Variants in ZHX2 observed in about 807,000 individuals in gnomAD.
The protein encoded by ZHX2 is zinc fingers and homeoboxes 2, also known as zinc fingers and homeoboxes protein 2.
In ZHX2, 6 loss-of-function variants were observed where a neutral mutation model predicts 21.9. The ratio of observed to expected loss-of-function variants is 0.27; its 90% CI spans 0.15 to 0.54. The LOEUF is 0.54. Ranked by LOEUF, ZHX2 falls within the 20% of genes least tolerant of loss-of-function variation. The pLI, the probability that ZHX2 is intolerant of heterozygous loss-of-function variation, is 0.95. For missense variants in ZHX2, 908 were observed against 1,090.7 expected (o/e 0.83, Z 2.36); for synonymous variants, 434 against 437.1 (o/e 0.99, Z 0.09).
intron 1 of ZHX2, among the ~76,000 whole-genome samples, chr8:122,807,250 A>C (rs1817842743): frequency 6.6e-6 from 1 of 152,186 alleles, no homozygotes; most frequent in Admixed American, 6.5e-5. Context: ...TTGGGCCCTG[A>C]ATAATGTATT....
intron 2 of ZHX2, among the ~76,000 whole-genome samples, chr8:122,907,893 T>C (rs1820385055): frequency 6.6e-6 from 1 of 152,176 alleles, no homozygotes; most frequent in Non-Finnish European, 1.5e-5. Context: ...TAGGGGTTTT[T>C]TTGTTAATCT....
chr8:122,940,583 G>C (rs1812817059), intron 2 of ZHX2, among the ~76,000 whole-genome samples: 1 of 152,212 alleles, frequency 6.6e-6, no homozygotes, highest in Admixed American at 6.5e-5. Context: ...GGCCACTCAT[G>C]AAGCTTTTTT....
chr8:122,973,887 T>C lies in ZHX2; in HGVS notation c.*650T>C, dbSNP rs1317363425. 2 of 152,598 alleles carry C rather than the reference T, an allele frequency of 1.3e-5. No homozygotes were observed. The highest frequency in any genetic ancestry group is 1.5e-5 in the Non-Finnish European group (1 of 68,038). The allele number at this position is 152,598 out of a possible 1,614,324, so 9.5% of individuals were successfully genotyped here. A position where few individuals can be genotyped will look rare whatever the true frequency, so the allele number is the denominator to read the frequency against. On this transcript the variant is annotated 3_prime_UTR_variant, in exon 4 of 4. Transcript: ENST00000314393. ...TCCAGTTCTTCCCCTGGCTGCCTTT[T>C]TGGGGGTCCCTGCCTTAGCCCCACA...
At chr8:122,947,119 A>C (rs1347134398) in intron 2 of ZHX2, among the ~76,000 whole-genome samples, 3 of 147,004 alleles carry the variant, frequency 2.0e-5, no homozygotes, top group Non-Finnish European at 4.5e-5. Context: ...AAAAAAAATT[A>C]GTCAGGCATG....
At chr8:122,790,423 C>T (rs1166944240) in intron 1 of ZHX2, among the ~76,000 whole-genome samples, 1 of 152,142 alleles carries the variant, frequency 6.6e-6, no homozygotes, top group Non-Finnish European at 1.5e-5. Flanking sequence ...ACTCACTGAG[C>T]ACCTGCCAGA....
chr8:122,916,639 T>G (rs1242593337), intron 2 of ZHX2, among the ~76,000 whole-genome samples: 3 of 152,210 alleles, frequency 2.0e-5, no homozygotes, highest in African/African-American at 4.8e-5. Context: ...TCTTCAGGTT[T>G]CCTTTTCTTT....
At chr8:122,954,719 C>T (rs1009683739) in intron 3 of ZHX2, among the ~76,000 whole-genome samples, 6 of 152,186 alleles carry the variant, frequency 3.9e-5, no homozygotes, top group Non-Finnish European at 8.8e-5. Context: ...TGGCTGTGGC[C>T]TGTTTGGGCT....
chr8:122,806,345 A>G (rs1212307462), intron 1 of ZHX2, among the ~76,000 whole-genome samples: 1 of 152,210 alleles, frequency 6.6e-6, no homozygotes, highest in Non-Finnish European at 1.5e-5. Context: ...CCCCTACCCA[A>G]TAGAGCCACT....
At chr8:122,784,257 C>A (rs1817351216) in intron 1 of ZHX2, among the ~76,000 whole-genome samples, 1 of 152,182 alleles carries the variant, frequency 6.6e-6, no homozygotes, top group South Asian at 2.1e-4. Flanking sequence ...ATAACAGTTT[C>A]TAACACTGTT....
At chr8:122,963,430 G>C (rs1486477072) in intron 3 of ZHX2, among the ~76,000 whole-genome samples, 2 of 152,120 alleles carry the variant, frequency 1.3e-5, no homozygotes, top group African/African-American at 2.4e-5. Context: ...TCAATTGGCT[G>C]TAAGTATCTG....
intron 1 of ZHX2, among the ~76,000 whole-genome samples, chr8:122,804,909 T>C (rs1180769241): frequency 6.6e-6 from 1 of 152,180 alleles, no homozygotes; most frequent in Non-Finnish European, 1.5e-5. Flanking sequence ...GATTCCCTTG[T>C]GCACACAGCG....
intron 1 of ZHX2, among the ~76,000 whole-genome samples, chr8:122,787,657 CTCTT>C (rs1348113378): frequency 6.6e-6 from 1 of 152,202 alleles, no homozygotes; most frequent in African/African-American, 2.4e-5. Flanking sequence ...ATTGAGTTAG[CTCTT>C]TCTTTGGGAG....
chr8:122,945,970 T>C (rs2130242427), intron 2 of ZHX2, among the ~76,000 whole-genome samples: 1 of 152,250 alleles, frequency 6.6e-6, no homozygotes, highest in Admixed American at 6.5e-5. Flanking sequence ...TTAAGTGTTT[T>C]CAGGTTGGCA....
chr8:122,915,337 T>C (rs7460545), intron 2 of ZHX2, among the ~76,000 whole-genome samples: 64,404 of 152,084 alleles, frequency 0.42, 13,961 homozygotes, highest in South Asian at 0.56. Context: ...TGGATGTCCC[T>C]TTATCCCATC....
chr8:122,913,340 G>C (rs770208720), intron 2 of ZHX2, among the ~76,000 whole-genome samples: 12 of 152,180 alleles, frequency 7.9e-5, no homozygotes, highest in Non-Finnish European at 1.3e-4. Context: ...CTTATGTACA[G>C]GTTTTCGCAT....
intron 1 of ZHX2, among the ~76,000 whole-genome samples, chr8:122,838,221 A>G (rs968423951): frequency 6.6e-6 from 1 of 152,236 alleles, no homozygotes; most frequent in Non-Finnish European, 1.5e-5. Flanking sequence ...GTGGGGTGCC[A>G]GGGGCACTTC....
chr8:122,800,720 G>T (rs187510446), intron 1 of ZHX2, among the ~76,000 whole-genome samples: 1 of 152,144 alleles, frequency 6.6e-6, no homozygotes, highest in African/African-American at 2.4e-5. Flanking sequence ...GAATAGCTGT[G>T]GTCACTGAAA....
chr8:122,788,523 C>T (rs1025055212), intron 1 of ZHX2, among the ~76,000 whole-genome samples: 2 of 152,124 alleles, frequency 1.3e-5, no homozygotes, highest in Non-Finnish European at 1.5e-5. Context: ...GCCATGATCA[C>T]GTCACTGCAC....
At chr8:122,889,703 T>A (rs1276260505) in intron 2 of ZHX2, among the ~76,000 whole-genome samples, 1 of 152,180 alleles carries the variant, frequency 6.6e-6, no homozygotes, top group African/African-American at 2.4e-5. Context: ...TATTCACGGA[T>A]TTTTCTTTCA....
Sources: gnomAD v4.1 joint callset for allele counts (sites outside exome capture counted in the v4.1 genomes callset) on GRCh38, gnomAD v4.1.1 for gene constraint, MANE v1.5 for transcripts, NCBI Gene and HGNC (gene_info 2026-07-23, HGNC 2026-07-21) for gene names.